The following SNX1 variants were observed in gnomAD, a reference collection of about 807,000 sequenced individuals.
SNX1 encodes sorting nexin-1.
SNX1 carries 36 observed loss-of-function variants against 71.8 expected under a neutral mutation model. The observed-to-expected ratio is 0.50, with a 90% confidence interval of 0.38 to 0.66. The LOEUF (loss-of-function observed/expected upper bound fraction) is 0.66, where lower values mean the gene tolerates loss of function less well. Among genes scored for constraint, SNX1 ranks in the 30% least tolerant of loss-of-function variants. The pLI is 0.00. For missense variants in SNX1, 612 were observed against 646.7 expected (o/e 0.95, Z 0.58); for synonymous variants, 254 against 240.7 (o/e 1.06, Z -0.51).
At chr15:64,118,027 C>T in intron 2 of SNX1, 90 bp from the exon 3 acceptor site, 1 of 1,256,062 alleles carries the variant, frequency 8.0e-7, no homozygotes, top group Non-Finnish European at 1.1e-6. Context: ...AGAGTGCTTG[C>T]TATTGTTCTT....
chr15:64,118,093 T>G (rs757718687), intron 2 of SNX1, 24 bp from the exon 3 acceptor site: 2 of 1,608,810 alleles, frequency 1.2e-6, no homozygotes, highest in African/African-American at 2.7e-5. Flanking sequence ...TGACCTTCAT[T>G]TTAAAATATC....
Position 64,142,719 on chromosome 15 carries a change from C to T in SNX1, c.*5101C>T, listed in dbSNP as rs62024240. 0.016 allele frequency: 7,458 copies of T among 455,800 alleles called. 322 individuals are homozygous for T. The highest frequency in any genetic ancestry group is 0.11 in the African/African-American group (5,418 of 50,096). The allele number at this position is 455,800 out of a possible 1,614,324, so 28.2% of individuals were successfully genotyped here. ...CTTGGCTAGTTCAGCGTTTGGGCTC[C>T]GGAGTGCTGAAGATGAGGACTGGAC... On this transcript the variant is annotated 3_prime_UTR_variant, in exon 15 of 15. Transcript: ENST00000559844.
At chr15:64,108,790 C>T (rs1289885853) in intron 1 of SNX1, among the ~76,000 whole-genome samples, 1 of 151,578 alleles carries the variant, frequency 6.6e-6, no homozygotes, top group Non-Finnish European at 1.5e-5. Flanking sequence ...GAGTTCGAGA[C>T]CAGCCTGGCC....
intron 14 of SNX1, 116 bp downstream of exon 14, chr15:64,137,048 T>G: frequency 1.3e-6 from 1 of 744,020 alleles, no homozygotes; most frequent in South Asian, 1.7e-5. Flanking sequence ...TGGGCCCTCC[T>G]ATAGTCCATC....
intron 1 of SNX1, among the ~76,000 whole-genome samples, chr15:64,099,536 C>T (rs186161024): frequency 1.3e-5 from 2 of 152,232 alleles, no homozygotes; most frequent in East Asian, 1.9e-4. Flanking sequence ...CCTGTAGTCC[C>T]GCATACTTGT....
At chr15:64,109,733 C>T (rs58485393) in intron 1 of SNX1, among the ~76,000 whole-genome samples, 328 of 152,230 alleles carry the variant, frequency 2.2e-3, no homozygotes, top group East Asian at 9.3e-3. Flanking sequence ...GTCTCAAACT[C>T]CTGACCTCAG....
At position 64,134,630 on chromosome 15, in the gene SNX1, C is replaced by T; in HGVS notation, c.1222-34C>T. ...CAGAGCCAGCAGAGCTCTTGAAGAG[C>T]TGGTTGTGCTCCTCCTCAACCCCAC... On this transcript the variant is annotated intron_variant, in intron 11 of 14. Coordinates refer to ENST00000559844, the MANE Select transcript of SNX1 (RefSeq NM_003099.5). This position sits in a 1 kb window ranked among gnomAD's most constrained non-coding sequence, Gnocchi z 4.1. 1.3e-6 allele frequency: 2 copies of T among 1,588,976 alleles called. No individual in the cohort carries two copies. The highest frequency in any genetic ancestry group is 1.7e-6 in the Non-Finnish European group (2 of 1,166,424).
At chr15:64,123,738 C>T (rs1364602812) in intron 5 of SNX1, among the ~76,000 whole-genome samples, 192 bp downstream of exon 5, 1 of 152,146 alleles carries the variant, frequency 6.6e-6, no homozygotes, top group African/African-American at 2.4e-5. Context: ...TTTTAATACT[C>T]TTCCAGAAAG....
intron 3 of SNX1, among the ~76,000 whole-genome samples, 188 bp downstream of exon 3, chr15:64,118,432 G>C (rs1301442366): frequency 6.6e-6 from 1 of 152,218 alleles, no homozygotes; most frequent in African/African-American, 2.4e-5. Context: ...TGCCCAGAGA[G>C]CACGAAGGCT....
intron 1 of SNX1, among the ~76,000 whole-genome samples, 187 bp from the exon 2 acceptor site, chr15:64,112,386 C>T (rs1271905880): frequency 2.0e-5 from 3 of 152,180 alleles, no homozygotes; most frequent in African/African-American, 7.2e-5. Context: ...GAAATTAACC[C>T]TAAAATGTAT....
rs2081269659 is a variant in SNX1, at chr15:64,127,844, T to C, written c.807+38T>C. Reference sequence around the variant, plus strand: ...TGCAAACTGAATTTCATAATTTATATCTGCCCCTAGTGAAACGAAACTAGT... The same window carrying C: ...TGCAAACTGAATTTCATAATTTATACCTGCCCCTAGTGAAACGAAACTAGT... On this transcript the variant is annotated intron_variant, in intron 8 of 14. Coordinates refer to ENST00000559844, the MANE Select transcript of SNX1 (RefSeq NM_003099.5). 1.2e-5 allele frequency: 18 copies of C among 1,531,048 alleles called. No homozygotes were observed. In the East Asian group the frequency reaches 4.0e-4, roughly 34 times the overall value. The allele number at this position is 1,531,048 out of a possible 1,614,324, so 94.8% of individuals were successfully genotyped here.
chr15:64,129,353 C>T lies in SNX1; in HGVS notation c.808-563C>T, dbSNP rs558106428. On this transcript the variant is annotated intron_variant, in intron 8 of 14. Coordinates refer to ENST00000559844, the MANE Select transcript of SNX1 (RefSeq NM_003099.5). The surrounding 1 kb of genome is among the most constrained non-coding windows in gnomAD (Gnocchi z 4.4). ...TAGATTTTTCAGCGTCCTTTCCATG[C>T]CCTAGGAGAGTACTGGGGAGACTGA... Among the ~76,000 whole-genome samples the T allele has an allele frequency of 6.3e-4, 96 of 152,122 alleles. No homozygotes were observed. Among genetic ancestry groups the T allele is most frequent in the Non-Finnish European group, 1.1e-3 (73 of 68,028 alleles).
chr15:64,122,956 C>T (rs996306234), intron 4 of SNX1, among the ~76,000 whole-genome samples: 4 of 152,102 alleles, frequency 2.6e-5, no homozygotes, highest in African/African-American at 9.7e-5. Flanking sequence ...ACCCTTTGCT[C>T]TTGGTGAACA....
At chr15:64,101,162 A>G (rs536287246) in intron 1 of SNX1, among the ~76,000 whole-genome samples, 8 of 152,308 alleles carry the variant, frequency 5.3e-5, no homozygotes, top group African/African-American at 1.7e-4. Context: ...TGCCATCTTA[A>G]TCATTTTTAA....
At chr15:64,104,778 G>C (rs148637995) in intron 1 of SNX1, among the ~76,000 whole-genome samples, 2,840 of 151,312 alleles carry the variant, frequency 0.019, 90 homozygotes, top group African/African-American at 0.065. Context: ...CCAGCTACTT[G>C]GGACGCTGAG....
intron 5 of SNX1, among the ~76,000 whole-genome samples, chr15:64,125,214 G>A (rs1031620903): frequency 2.6e-5 from 4 of 152,152 alleles, no homozygotes; most frequent in Admixed American, 1.3e-4. Flanking sequence ...TGTAATCCCA[G>A]CACTTTGGGA....
At chr15:64,127,337 T>G in intron 7 of SNX1, 85 bp downstream of exon 7, 1 of 1,031,122 alleles carries the variant, frequency 9.7e-7, no homozygotes, top group African/African-American at 1.6e-5. Context: ...GACAGTCCAT[T>G]GAGTTAGAGA....
chr15:64,104,584 CTT>C (rs2080999273), intron 1 of SNX1, among the ~76,000 whole-genome samples: 1 of 151,100 alleles, frequency 6.6e-6, no homozygotes, highest in Non-Finnish European at 1.5e-5. Flanking sequence ...AGGGAGAAGA[CTT>C]TTAAAGATGG....
In SNX1 at chr15:64,096,124, G is replaced by A. The variant is rs763239697; in HGVS notation, c.111G>A (p.Gly37=). The part of the protein sequence containing the change: ...GAAGGSEPEA[G]DSDTEGEDIF... ...CCGGGGGATCAGAACCCGAGGCTGG[G>A]GACAGCGACACCGAGGGGGAGGACA... Residue 37 remains glycine (G), a synonymous_variant, in exon 1 of 15, where the codon GGG becomes GGA. Transcript: ENST00000559844. 6.4e-7 allele frequency: 1 copy of A among 1,558,294 alleles called. No individual in the cohort carries two copies. The highest frequency in any genetic ancestry group is 8.7e-7 in the Non-Finnish European group (1 of 1,151,930).
Sources: gnomAD v4.1 joint callset for allele counts (sites outside exome capture counted in the v4.1 genomes callset) on GRCh38, gnomAD v4.1.1 for gene constraint, Gnocchi (gnomAD v3.1) non-coding constraint, MANE v1.5 for transcripts, NCBI Gene and HGNC (gene_info 2026-07-23, HGNC 2026-07-21) for gene names.